Variants in VPS37A observed in about 807,000 individuals in gnomAD.
The protein encoded by VPS37A is VPS37A subunit of ESCRT-I, also known as vacuolar protein sorting-associated protein 37A.
A neutral mutation model predicts 49.8 loss-of-function variants in VPS37A; 30 were observed. The ratio of observed to expected loss-of-function variants is 0.60; its 90% CI spans 0.45 to 0.82. The LOEUF is 0.82. VPS37A is among the 40% of genes least tolerant of loss of function. VPS37A has a pLI of 0.00. For missense variants in VPS37A, 593 were observed against 464.4 expected (o/e 1.28, Z -2.55); for synonymous variants, 195 against 160.6 (o/e 1.21, Z -1.62).
the VPS37A span, among the ~76,000 whole-genome samples, chr8:17,331,664 A>T: frequency 4.6e-5 from 7 of 152,240 alleles, no homozygotes; most frequent in Admixed American, 3.3e-4. Flanking sequence ...TATCAGCAGA[A>T]ACAGCTGTCA....
At chr8:17,316,463 G>GT in the VPS37A span, among the ~76,000 whole-genome samples, 1 of 94,180 alleles carries the variant, frequency 1.1e-5, no homozygotes, top group Non-Finnish European at 2.0e-5. Flanking sequence ...AAACAGTACA[G>GT]TAAAAAAAAA....
At position 17,274,939 on chromosome 8, in the gene VPS37A, C is replaced by G. The variant is rs757586403; in HGVS notation, c.623C>G (p.Thr208Arg). The change falls in exon 5 of 12, where the codon ACA becomes AGA. Residue 208 changes from threonine (T) to arginine (R), a missense_variant. Coordinates refer to ENST00000324849, the MANE Select transcript of VPS37A (RefSeq NM_152415.3). ...VLSNLPLPIP[T>R]VDASIPTSQN... is the part of the protein sequence containing the mutation. ...TCAAATCTGCCATTACCCATTCCCA[C>G]AGTGGATGCTTCAATACCGGTTGGT... 1 of 1,614,012 alleles carries G rather than the reference C, an allele frequency of 6.2e-7. No homozygotes were observed. The highest frequency in any genetic ancestry group is 8.5e-7 in the Non-Finnish European group (1 of 1,179,980).
downstream of VPS37A, chr8:17,305,970 G>A (rs1817426152): frequency 6.3e-7 from 1 of 1,592,724 alleles, no homozygotes; most frequent in South Asian, 1.1e-5. Flanking sequence ...ATAAAACAAA[G>A]CATTAGAGAC....
intron 11 of VPS37A, among the ~76,000 whole-genome samples, chr8:17,288,881 G>C (rs971096361): frequency 9.9e-5 from 15 of 152,126 alleles, no homozygotes; most frequent in Non-Finnish European, 1.3e-4. Flanking sequence ...TCCAGCATCT[G>C]TTGTTTCCTA....
chr8:17,278,706 T>G (rs963365975), intron 6 of VPS37A, among the ~76,000 whole-genome samples: 1 of 152,126 alleles, frequency 6.6e-6, no homozygotes, highest in African/African-American at 2.4e-5. Context: ...TGTTTTTGTT[T>G]TTTACAGTTC....
chr8:17,311,582 T>G, the VPS37A span: 1 of 1,614,094 alleles, frequency 6.2e-7, no homozygotes, highest in East Asian at 2.2e-5. Flanking sequence ...TGAGCGGTCC[T>G]GTCCCAGCCA....
chr8:17,258,336 G>A (rs1812665428), intron 1 of VPS37A, among the ~76,000 whole-genome samples: 1 of 152,088 alleles, frequency 6.6e-6, no homozygotes, highest in African/African-American at 2.4e-5. Context: ...TACCCAGTTC[G>A]ATGAGGGTTG....
downstream of VPS37A, among the ~76,000 whole-genome samples, chr8:17,303,269 G>A (rs1412775561): frequency 6.6e-6 from 1 of 152,056 alleles, no homozygotes; most frequent in African/African-American, 2.4e-5. Context: ...CTTAAAACTT[G>A]TCTTACATGC....
chr8:17,254,686 G>T (rs147524257), intron 1 of VPS37A, among the ~76,000 whole-genome samples: 2 of 151,138 alleles, frequency 1.3e-5, no homozygotes, highest in East Asian at 1.9e-4. Context: ...CTGTTTGTCA[G>T]TTTGCTCAAA....
At chr8:17,307,521 C>T in the VPS37A span, among the ~76,000 whole-genome samples, 1 of 152,254 alleles carries the variant, frequency 6.6e-6, no homozygotes, top group East Asian at 1.9e-4. Context: ...TTTGACCCAG[C>T]CATCCCATTA....
intron 1 of VPS37A, among the ~76,000 whole-genome samples, chr8:17,255,295 A>T (rs879454913): frequency 6.6e-6 from 1 of 152,202 alleles, no homozygotes; most frequent in Non-Finnish European, 1.5e-5. Flanking sequence ...AGCCTGGCCA[A>T]CATGGTGAAA....
intron 1 of VPS37A, among the ~76,000 whole-genome samples, chr8:17,254,074 G>T: frequency 6.6e-6 from 1 of 151,900 alleles, no homozygotes; most frequent in East Asian, 1.9e-4. Flanking sequence ...AGTTTTTTAT[G>T]TTTCAATTTG....
At chr8:17,266,068 G>C in intron 2 of VPS37A, 87 bp downstream of exon 2, 1 of 1,187,512 alleles carries the variant, frequency 8.4e-7, no homozygotes, top group Non-Finnish European at 1.2e-6. Flanking sequence ...AAACTTTTAA[G>C]GTGAACTTAT....
chr8:17,302,800 C>T (rs1233421291), downstream of VPS37A, among the ~76,000 whole-genome samples: 1 of 147,996 alleles, frequency 6.8e-6, no homozygotes, highest in Non-Finnish European at 1.5e-5. Context: ...GCAACCTCCA[C>T]CTCCCGGGTT....
the VPS37A span, among the ~76,000 whole-genome samples, chr8:17,331,805 G>A: frequency 6.6e-6 from 1 of 152,116 alleles, no homozygotes; most frequent in African/African-American, 2.4e-5. Flanking sequence ...CCTTGAGCAG[G>A]AATTACTGAA....
At chr8:17,324,911 C>T in the VPS37A span, among the ~76,000 whole-genome samples, 1 of 152,118 alleles carries the variant, frequency 6.6e-6, no homozygotes, top group South Asian at 2.1e-4. Context: ...AAGGACCAAC[C>T]TTTACAGCTT....
At chr8:17,284,691 GTGTTAGCTAT>G in intron 10 of VPS37A, 75 bp downstream of exon 10, 1 of 1,468,828 alleles carries the variant, frequency 6.8e-7, no homozygotes, top group Non-Finnish European at 9.1e-7. Flanking sequence ...GAAGCACTGG[GTGTTAGCTAT>G]TTCTCTATTA....
intron 4 of VPS37A, among the ~76,000 whole-genome samples, chr8:17,271,443 A>C (rs1001787881): frequency 1.3e-5 from 2 of 152,094 alleles, no homozygotes; most frequent in African/African-American, 4.8e-5. Flanking sequence ...GTCTCTACTA[A>C]AAATACAAAA....
Position 17,286,400 on chromosome 8 carries a change from G to C in VPS37A, c.1167G>C (p.Met389Ile). Residue 389 changes from methionine to isoleucine, a missense_variant, in exon 11 of 12, where the codon ATG becomes ATC. Transcript: ENST00000324849. ...AGAAACTTCAGCAGGCGATAGCAATGCACAGCCAATTTCATGCTCCACTAT... is the reference window on the plus strand; with the variant it reads ...AGAAACTTCAGCAGGCGATAGCAATCCACAGCCAATTTCATGCTCCACTAT... ...KEEKLQQAIAMHSQFHAPL is the reference protein window; with the variant it reads ...KEEKLQQAIAIHSQFHAPL 1 of 1,613,890 alleles carries C rather than the reference G, an allele frequency of 6.2e-7. No homozygotes were observed. Among genetic ancestry groups the C allele is most frequent in the Non-Finnish European group, 8.5e-7 (1 of 1,179,886 alleles).
Sources: allele counts gnomAD v4.1 joint callset (sites outside exome capture counted in the v4.1 genomes callset), GRCh38; gene constraint gnomAD v4.1.1; transcripts MANE v1.5; gene names NCBI Gene and HGNC (gene_info 2026-07-23, HGNC 2026-07-21).